Variants in LINGO1 observed in about 807,000 individuals in gnomAD.
The protein encoded by LINGO1 is leucine-rich repeat and immunoglobulin-like domain-containing nogo receptor-interacting protein 1.
A neutral mutation model predicts 37.3 loss-of-function variants in LINGO1; 11 were observed. The observed-to-expected ratio is 0.29, with a 90% CI of 0.19 to 0.49. LINGO1 has a LOEUF of 0.49. Among genes scored for constraint, LINGO1 ranks in the 20% least tolerant of loss-of-function variants. The probability of loss-of-function intolerance (pLI) is 0.99; values close to 1 mark genes in which losing one functional copy is unlikely to be tolerated. For missense variants in LINGO1, 585 were observed against 878.2 expected (o/e 0.67, Z 4.22); for synonymous variants, 387 against 403.0 (o/e 0.96, Z 0.48).
At chr15:77,665,605 A>G (rs1366448382) in intron 3 of LINGO1, among the ~76,000 whole-genome samples, 1 of 152,168 alleles carries the variant, frequency 6.6e-6, no homozygotes, top group Admixed American at 6.5e-5. Flanking sequence ...AACCCAAGGA[A>G]TATCCTTTGT....
chr15:77,733,457 T>C (rs1377524402), intron 2 of LINGO1, among the ~76,000 whole-genome samples: 1 of 152,164 alleles, frequency 6.6e-6, no homozygotes, highest in Non-Finnish European at 1.5e-5. Flanking sequence ...CTTGAGGGCC[T>C]GACCAGAGGA....
At chr15:77,779,552 C>A (rs4886909) in intron 1 of LINGO1, among the ~76,000 whole-genome samples, 152,191 of 152,196 alleles carry the variant, frequency 1, 76,093 homozygotes, top group Non-Finnish European at 1. Flanking sequence ...TTAGATTCTC[C>A]TAAGGAGAGT....
chr15:77,632,732 C>T lies in LINGO1; in HGVS notation c.-417G>A, dbSNP rs951866500. 2.1e-5 allele frequency among the ~76,000 whole-genome samples: 3 copies of T among 145,602 alleles called. No individual in the cohort carries two copies. The highest frequency in any genetic ancestry group is 4.9e-5 in the African/African-American group (2 of 40,632). ...GCGGGCAGCGGCCGCGCATGCTGCT[C>T]GGCGCCCCGCGTCGGGAGAGGGGCC... On this transcript the variant is annotated 5_prime_UTR_variant, in exon 1 of 2. Coordinates refer to ENST00000355300, the MANE Select transcript of LINGO1 (RefSeq NM_032808.7). This position sits in a 1 kb window ranked among gnomAD's most constrained non-coding sequence, Gnocchi z 6.0.
chr15:77,692,934 C>T (rs553736426), intron 1 of LINGO1, among the ~76,000 whole-genome samples: 2 of 152,370 alleles, frequency 1.3e-5, no homozygotes, highest in East Asian at 1.9e-4. Flanking sequence ...TGCTACTGAA[C>T]ACGAAACGCC....
At chr15:77,723,307 T>G (rs1167865573) in intron 2 of LINGO1, among the ~76,000 whole-genome samples, 1 of 152,200 alleles carries the variant, frequency 6.6e-6, no homozygotes, top group Admixed American at 6.5e-5. Context: ...TGAATGCTGC[T>G]GTAAGCAGGC....
chr15:77,672,271 C>T (rs1390529896), intron 3 of LINGO1, among the ~76,000 whole-genome samples: 1 of 151,710 alleles, frequency 6.6e-6, no homozygotes, highest in African/African-American at 2.4e-5. Context: ...TCCCCTTTCA[C>T]CCCTCCCCTC....
intron 1 of LINGO1, among the ~76,000 whole-genome samples, chr15:77,620,063 C>G (rs1257379096): frequency 2.0e-5 from 3 of 151,856 alleles, no homozygotes; most frequent in Non-Finnish European, 4.4e-5. Context: ...AGAGTCACGT[C>G]TGCGGGGTCA....
In LINGO1 at chr15:77,615,790, G is replaced by A. The variant is rs777230574; in HGVS notation, c.117C>T (p.Ala39=). Residue 39 remains alanine (A), a synonymous_variant, in exon 2 of 2, where the codon GCC becomes GCT. Coordinates refer to ENST00000355300, the MANE Select transcript of LINGO1 (RefSeq NM_032808.7). ...ACTCGCAGCGGGGCGGGCAGCCCGTGGCCGAGCCTGACAGCACTGAGCCCA... is the reference window on the plus strand; with the variant it reads ...ACTCGCAGCGGGGCGGGCAGCCCGTAGCCGAGCCTGACAGCACTGAGCCCA... ...LVLGSVLSGS[A]TGCPPRCECS... 2 of 1,566,726 alleles carry A rather than the reference G, an allele frequency of 1.3e-6. No individual in the cohort carries two copies. Among genetic ancestry groups the A allele is most frequent in the South Asian group, 1.2e-5 (1 of 85,556 alleles).
intron 3 of LINGO1, among the ~76,000 whole-genome samples, chr15:77,658,972 C>G (rs2074928229): frequency 6.6e-6 from 1 of 152,138 alleles, no homozygotes; most frequent in Non-Finnish European, 1.5e-5. Context: ...GTCATTGAGT[C>G]AAACTAGGGA....
intron 1 of LINGO1, among the ~76,000 whole-genome samples, chr15:77,753,141 C>T (rs1456067855): frequency 6.6e-6 from 1 of 152,220 alleles, no homozygotes; most frequent in Non-Finnish European, 1.5e-5. Flanking sequence ...AGAACAGAGA[C>T]CTGACTGCCT....
chr15:77,688,526 G>C (rs2075550251), intron 2 of LINGO1, among the ~76,000 whole-genome samples: 1 of 152,164 alleles, frequency 6.6e-6, no homozygotes, highest in African/African-American at 2.4e-5. Context: ...ACTGTACTGG[G>C]GCCACCGCGG....
At chr15:77,669,416 C>T (rs2075207935) in intron 3 of LINGO1, among the ~76,000 whole-genome samples, 1 of 152,232 alleles carries the variant, frequency 6.6e-6, no homozygotes, top group Non-Finnish European at 1.5e-5. Flanking sequence ...CCCTTCACCT[C>T]GCTAGCCCAT....
At chr15:77,708,808 T>C (rs975845011) in intron 2 of LINGO1, among the ~76,000 whole-genome samples, 1 of 152,166 alleles carries the variant, frequency 6.6e-6, no homozygotes, top group Non-Finnish European at 1.5e-5. Flanking sequence ...GGGAGATTAC[T>C]GGGTTCAAGG....
At chr15:77,790,362 C>T (rs893988557), upstream of LINGO1, among the ~76,000 whole-genome samples, 1 of 152,214 alleles carries the variant, frequency 6.6e-6, no homozygotes, top group African/African-American at 2.4e-5. Context: ...ACCCACCTTC[C>T]ATGTGGCTGT....
At chr15:77,794,624 G>T (rs2076857568) in intron 2 of LINGO1, among the ~76,000 whole-genome samples, 2 of 133,942 alleles carry the variant, frequency 1.5e-5, no homozygotes, top group African/African-American at 2.9e-5. Context: ...GTCTCGCTCT[G>T]TCGCCCAGGC....
chr15:77,757,364 T>C (rs1398714177), intron 1 of LINGO1, among the ~76,000 whole-genome samples: 9 of 152,188 alleles, frequency 5.9e-5, no homozygotes, highest in Non-Finnish European at 1.3e-4. Context: ...GCACAGGGTT[T>C]GACTCCAGCA....
At chr15:77,665,061 C>T (rs1171477287) in intron 3 of LINGO1, among the ~76,000 whole-genome samples, 1 of 152,206 alleles carries the variant, frequency 6.6e-6, no homozygotes, top group Non-Finnish European at 1.5e-5. Context: ...TGCCTGTGCA[C>T]ATGTGGGCAG....
At chr15:77,817,826 C>T (rs902877996) in intron 1 of LINGO1, among the ~76,000 whole-genome samples, 1 of 152,216 alleles carries the variant, frequency 6.6e-6, no homozygotes, top group African/African-American at 2.4e-5. Context: ...ACAAAATCCT[C>T]CTCTGTGAAA....
intron 1 of LINGO1, among the ~76,000 whole-genome samples, chr15:77,783,933 A>G (rs2076746607): frequency 6.6e-6 from 1 of 152,198 alleles, no homozygotes. Context: ...TCCTGGGTGC[A>G]GACTGACTTT....
Sources: allele counts gnomAD v4.1 joint callset (sites outside exome capture counted in the v4.1 genomes callset), GRCh38; gene constraint gnomAD v4.1.1; non-coding constraint Gnocchi (gnomAD v3.1); transcripts MANE v1.5; gene names NCBI Gene and HGNC (gene_info 2026-07-23, HGNC 2026-07-21).